RFX3: variants seen among roughly 807,000 people sequenced by gnomAD.
RFX3 encodes regulatory factor X3.
In RFX3, 14 loss-of-function variants were observed where a neutral mutation model predicts 98.6. That is an observed-to-expected ratio of 0.14 (90% CI 0.09 to 0.22). RFX3 has a LOEUF of 0.22. Among genes scored for constraint, RFX3 ranks in the 10% least tolerant of loss-of-function variants. The pLI is 1.00. For synonymous variants in RFX3, 383 were observed against 328.4 expected (o/e 1.17, Z -1.80); for missense variants, 639 against 926.9 (o/e 0.69, Z 4.03).
intron 1 of RFX3, among the ~76,000 whole-genome samples, chr9:3,398,323 T>C (rs1841108936): frequency 6.7e-6 from 1 of 149,178 alleles, no homozygotes. Context: ...CTCTTTCTTC[T>C]ACCACAGACA....
At chr9:3,451,843 T>C (rs994466489) in intron 1 of RFX3, among the ~76,000 whole-genome samples, 2 of 152,044 alleles carry the variant, frequency 1.3e-5, no homozygotes, top group Non-Finnish European at 2.9e-5. Flanking sequence ...GTTTTTTTTT[T>C]TTTTTAATAT....
chr9:3,260,954 G>T (rs1822806796), intron 13 of RFX3, among the ~76,000 whole-genome samples: 1 of 150,996 alleles, frequency 6.6e-6, no homozygotes. Context: ...CCCAGTCCAT[G>T]AAAGTCTCAA....
At chr9:3,339,676 C>T (rs532765461) in intron 3 of RFX3, among the ~76,000 whole-genome samples, 46 of 152,224 alleles carry the variant, frequency 3.0e-4, no homozygotes, top group Middle Eastern at 3.4e-3. Flanking sequence ...ACCAGGTCCC[C>T]GCCCACATGA....
chr9:3,478,690 C>T (rs1268264056), intron 1 of RFX3, among the ~76,000 whole-genome samples: 2 of 152,080 alleles, frequency 1.3e-5, no homozygotes, highest in African/African-American at 2.4e-5. Context: ...AGGTCATTTC[C>T]GGGCATGTGT....
At chr9:3,375,735 T>C (rs923920410) in intron 2 of RFX3, among the ~76,000 whole-genome samples, 19 of 151,874 alleles carry the variant, frequency 1.3e-4, no homozygotes, top group African/African-American at 3.4e-4. Flanking sequence ...CCAAGGCGGG[T>C]GGATCACAAG....
intron 1 of RFX3, among the ~76,000 whole-genome samples, chr9:3,424,154 A>G (rs1159695902): frequency 1.3e-5 from 2 of 151,070 alleles, no homozygotes; most frequent in Admixed American, 6.6e-5. Context: ...CTCAAAAAAA[A>G]AAGAAGAAGA....
intron 10 of RFX3, 115 bp downstream of exon 10, chr9:3,270,888 T>G: frequency 6.9e-7 from 1 of 1,442,722 alleles, no homozygotes; most frequent in Non-Finnish European, 9.5e-7. Flanking sequence ...AAAACATCAA[T>G]CTATTCAATT....
At chr9:3,353,594 G>C (rs1433805644) in intron 2 of RFX3, among the ~76,000 whole-genome samples, 2 of 151,992 alleles carry the variant, frequency 1.3e-5, no homozygotes, top group Non-Finnish European at 2.9e-5. Flanking sequence ...AGCCTTAGTA[G>C]TAGGGCTGTA....
chr9:3,227,972 T>C lies in RFX3; in HGVS notation c.2011+875A>G, dbSNP rs1325087945. ...CCCAGTGGCTCTGGCCTGGAAGGGC[T>C]AAGTGCATAGTTCTCCCCAGTTTTT... is the stretch of plus-strand genomic sequence containing the variant. On this transcript the variant is annotated intron_variant, in intron 16 of 16. Coordinates refer to ENST00000617270, the MANE Select transcript of RFX3 (RefSeq NM_001282116.2). Among the ~76,000 whole-genome samples, 3 of 152,170 alleles carry C rather than the reference T, an allele frequency of 2.0e-5. No individual in the cohort carries two copies. The East Asian group carries it at 5.8e-4, about 29-fold the overall frequency.
intron 11 of RFX3, among the ~76,000 whole-genome samples, chr9:3,267,121 T>C (rs1823750065): frequency 6.6e-6 from 1 of 151,990 alleles, no homozygotes; most frequent in African/African-American, 2.4e-5. Context: ...GAGATTGCTA[T>C]ATAGTAGGAG....
intron 1 of RFX3, among the ~76,000 whole-genome samples, chr9:3,506,062 G>C (rs756851212): frequency 2.6e-5 from 4 of 151,722 alleles, no homozygotes; most frequent in African/African-American, 4.8e-5. Context: ...TACAGAAATT[G>C]AAGAGCACTC....
At chr9:3,236,394 A>G (rs620745) in intron 15 of RFX3, among the ~76,000 whole-genome samples, 119,367 of 151,994 alleles carry the variant, frequency 0.79, 49,784 homozygotes, top group East Asian at 0.97. Context: ...ATACTGAGGG[A>G]TAGGAGGGAC....
intron 15 of RFX3, among the ~76,000 whole-genome samples, chr9:3,236,003 T>C (rs1276130768): frequency 6.6e-6 from 1 of 152,144 alleles, no homozygotes; most frequent in Non-Finnish European, 1.5e-5. Flanking sequence ...AGTGAAACCA[T>C]ATGACTTTTT....
intron 1 of RFX3, among the ~76,000 whole-genome samples, chr9:3,501,573 T>C (rs1177646969): frequency 2.7e-5 from 4 of 149,660 alleles, no homozygotes; most frequent in Admixed American, 1.3e-4. Context: ...TTTTTTTTTT[T>C]TGAGATAGAG....
Position 3,275,627 on chromosome 9 carries a change from A to T in RFX3, c.974-15T>A. ...TCGAGATGCATCTGTTACCGTGACA[A>T]CAGAACAGAAAAAAGCTATTGTGGA... is the stretch of plus-strand genomic sequence containing the variant. On this transcript the variant is annotated splice_polypyrimidine_tract_variant and intron_variant, in intron 8 of 16. Transcript: ENST00000617270. 1 of 1,504,408 alleles carries T rather than the reference A, an allele frequency of 6.6e-7. No homozygotes were observed. The highest frequency in any genetic ancestry group is 9.2e-7 in the Non-Finnish European group (1 of 1,082,156). 93.2% of individuals were successfully genotyped at this position (1,504,408 alleles called of 1,614,324 possible).
chr9:3,223,794 T>C lies in RFX3; in HGVS notation c.*1248A>G, dbSNP rs1817494606. ...GAACAAAATAAACCTTACTAAACCT[T>C]AGCTTCAGTTCTGTTTTAAGGCACC... On this transcript the variant is annotated 3_prime_UTR_variant, in exon 17 of 17. Coordinates refer to ENST00000617270, the MANE Select transcript of RFX3 (RefSeq NM_001282116.2). 6.6e-6 allele frequency: 1 copy of C among 152,184 alleles called. No individual in the cohort carries two copies. Among genetic ancestry groups the C allele is most frequent in the Non-Finnish European group, 1.5e-5 (1 of 68,028 alleles). The allele number at this position is 152,184 out of a possible 1,614,324, so 9.4% of individuals were successfully genotyped here. A position where few individuals can be genotyped will look rare whatever the true frequency, so the allele number is the denominator to read the frequency against.
chr9:3,244,967 G>C (rs1191080177), intron 15 of RFX3, among the ~76,000 whole-genome samples: 1 of 152,128 alleles, frequency 6.6e-6, no homozygotes, highest in Non-Finnish European at 1.5e-5. Context: ...CAGTTTCGGA[G>C]ATCAGAAGTC....
chr9:3,428,670 C>T (rs1255219156), intron 1 of RFX3, among the ~76,000 whole-genome samples: 1 of 152,140 alleles, frequency 6.6e-6, no homozygotes, highest in East Asian at 1.9e-4. Flanking sequence ...CTCACTGCCA[C>T]ACAACCAACA....
chr9:3,493,703 A>G (rs1850911861), intron 1 of RFX3, among the ~76,000 whole-genome samples: 1 of 76,632 alleles, frequency 1.3e-5, no homozygotes, highest in South Asian at 4.9e-4. Context: ...AAAAAAAAAT[A>G]TATATATATA....
Sources: gnomAD v4.1 joint callset for allele counts (sites outside exome capture counted in the v4.1 genomes callset) on GRCh38, gnomAD v4.1.1 for gene constraint, MANE v1.5 for transcripts, NCBI Gene and HGNC (gene_info 2026-07-23, HGNC 2026-07-21) for gene names.